Variants in MACROD2 observed in about 807,000 individuals in gnomAD.
The protein encoded by MACROD2 is mono-ADP ribosylhydrolase 2.
Under a neutral mutation model 70.4 loss-of-function variants are expected in MACROD2, and 36 were observed. That is an observed-to-expected ratio of 0.51 (90% CI 0.39 to 0.68). The LOEUF is 0.68. Ranked by LOEUF, MACROD2 falls within the 30% of genes least tolerant of loss-of-function variation. The probability of loss-of-function intolerance (pLI) is 0.00; values close to 1 mark genes in which losing one functional copy is unlikely to be tolerated. For missense variants in MACROD2, 496 were observed against 538.4 expected, an observed-to-expected ratio of 0.92 and a Z score of 0.78; for synonymous variants, 172 against 178.8, an observed-to-expected ratio of 0.96 and a Z score of 0.30.
chr20:14,009,596 C>T (rs1049284006), intron 2 of MACROD2, among the ~76,000 whole-genome samples: 5 of 152,108 alleles, frequency 3.3e-5, no homozygotes, highest in African/African-American at 4.8e-5. Flanking sequence ...CCGTTTGACC[C>T]AGCAATCCTA....
chr20:15,612,342 A>G (rs1324099066), intron 8 of MACROD2, among the ~76,000 whole-genome samples: 1 of 151,558 alleles, frequency 6.6e-6, no homozygotes, highest in Admixed American at 6.6e-5. Flanking sequence ...TATTGCGTCG[A>G]CTCTTCTGGG....
chr20:15,083,336 A>G (rs2075719509), intron 5 of MACROD2, among the ~76,000 whole-genome samples: 1 of 152,088 alleles, frequency 6.6e-6, no homozygotes, highest in Non-Finnish European at 1.5e-5. Flanking sequence ...CACACACCCT[A>G]TTTTCTTCTT....
chr20:15,029,841 G>A (rs2122992158), intron 5 of MACROD2, among the ~76,000 whole-genome samples: 1 of 152,226 alleles, frequency 6.6e-6, no homozygotes, highest in South Asian at 2.1e-4. Flanking sequence ...ATTACATAAA[G>A]AGATGAATGG....
chr20:14,840,890 G>A (rs2073079978), intron 5 of MACROD2, among the ~76,000 whole-genome samples: 1 of 152,022 alleles, frequency 6.6e-6, no homozygotes, highest in African/African-American at 2.4e-5. Flanking sequence ...CTAGTATGAG[G>A]ACACTGCACT....
intron 8 of MACROD2, among the ~76,000 whole-genome samples, chr20:15,644,093 T>A (rs2049503973): frequency 6.6e-6 from 1 of 152,140 alleles, no homozygotes; most frequent in African/African-American, 2.4e-5. Context: ...AGGAATGTGC[T>A]TACCCAAAAC....
chr20:14,302,885 C>T (rs1282365597), intron 3 of MACROD2, among the ~76,000 whole-genome samples: 1 of 152,138 alleles, frequency 6.6e-6, no homozygotes, highest in Non-Finnish European at 1.5e-5. Flanking sequence ...AACTCCTAAC[C>T]TCATGACCCA....
At chr20:15,779,529 G>A (rs1477168886) in intron 8 of MACROD2, among the ~76,000 whole-genome samples, 6 of 152,128 alleles carry the variant, frequency 3.9e-5, no homozygotes, top group African/African-American at 7.2e-5. Context: ...AGAGTTCTCT[G>A]CAGCCAGTAA....
chr20:14,886,427 A>G (rs1368249665), intron 5 of MACROD2, among the ~76,000 whole-genome samples: 3 of 152,164 alleles, frequency 2.0e-5, no homozygotes, highest in Non-Finnish European at 2.9e-5. Flanking sequence ...GGCTTTGGTC[A>G]TAAGTAAGGT....
rs146294459 is a variant in MACROD2, at chr20:15,479,862, C to T, written c.572-19912C>T. On this transcript the variant is annotated intron_variant, in intron 7 of 17. Transcript: ENST00000684519. ...TTTGAGTAAATTAATTGACACCCAC[C>T]GACTGTCAAAATGTATGTATTATGT... Among the ~76,000 whole-genome samples the T allele has an allele frequency of 7.9e-5, 12 of 152,140 alleles. 1 individual carries two copies. In the East Asian group the frequency reaches 1.5e-3, roughly 20 times the overall value.
intron 7 of MACROD2, among the ~76,000 whole-genome samples, chr20:15,461,246 T>A (rs2046815163): frequency 6.6e-6 from 1 of 152,002 alleles, no homozygotes; most frequent in Admixed American, 6.6e-5. Flanking sequence ...TTTATTTATT[T>A]TAAAAAAGTA....
intron 4 of MACROD2, among the ~76,000 whole-genome samples, chr20:14,627,895 C>T (rs1984277688): frequency 6.6e-6 from 1 of 152,020 alleles, no homozygotes; most frequent in Admixed American, 6.6e-5. Flanking sequence ...ACCTGATGGA[C>T]AAAAGGGAAA....
intron 7 of MACROD2, among the ~76,000 whole-genome samples, chr20:15,452,812 G>GT (rs2046661015): frequency 6.6e-6 from 1 of 152,110 alleles, no homozygotes; most frequent in Non-Finnish European, 1.5e-5. Flanking sequence ...GTTTCTCTAA[G>GT]TTTTTCCATT....
chr20:14,703,217 G>A (rs1444585796), intron 5 of MACROD2, among the ~76,000 whole-genome samples: 1 of 152,028 alleles, frequency 6.6e-6, no homozygotes, highest in East Asian at 1.9e-4. Context: ...GGTACATAAT[G>A]TCTCACATAC....
chr20:14,390,881 A>G lies in MACROD2; in HGVS notation c.272-102598A>G, dbSNP rs148084093. 5.8e-3 allele frequency among the ~76,000 whole-genome samples: 890 copies of G among 152,284 alleles called. 6 individuals carry two copies. The highest frequency in any genetic ancestry group is 0.019 in the African/African-American group (801 of 41,552). On this transcript the variant is annotated intron_variant, in intron 3 of 17. Coordinates refer to ENST00000684519, the MANE Select transcript of MACROD2 (RefSeq NM_001351661.2). The stretch of plus-strand genomic sequence containing the variant: ...ACAATCATATTTAAAAAAGCACAAC[A>G]CCACTGATCATTCAAGAAATATAAA...
chr20:15,174,361 T>C (rs2076444187), intron 5 of MACROD2, among the ~76,000 whole-genome samples: 1 of 152,232 alleles, frequency 6.6e-6, no homozygotes, highest in African/African-American at 2.4e-5. Context: ...TATATGAGCA[T>C]AAAAGATTTG....
chr20:15,292,174 C>A (rs913497641), intron 6 of MACROD2, among the ~76,000 whole-genome samples: 5 of 152,024 alleles, frequency 3.3e-5, no homozygotes, highest in Non-Finnish European at 5.9e-5. Flanking sequence ...CCATCCCTGG[C>A]CTTTTGTCAT....
intron 8 of MACROD2, among the ~76,000 whole-genome samples, chr20:15,550,362 G>T (rs577159291): frequency 1.3e-5 from 2 of 150,702 alleles, no homozygotes; most frequent in East Asian, 3.9e-4. Flanking sequence ...ATAAAAATGT[G>T]TCTTATTATT....
At chr20:14,912,900 C>T (rs1440258515) in intron 5 of MACROD2, among the ~76,000 whole-genome samples, 2 of 152,144 alleles carry the variant, frequency 1.3e-5, no homozygotes, top group Admixed American at 1.3e-4. Flanking sequence ...AAGATGCTTG[C>T]CCCAGATATA....
intron 5 of MACROD2, chr20:15,197,158 C>T: frequency 3.1e-6 from 1 of 317,680 alleles, no homozygotes; most frequent in Middle Eastern, 1.7e-3. Flanking sequence ...TTTAAGGTAC[C>T]TTTAATCTTT....
Sources: allele counts gnomAD v4.1 joint callset (sites outside exome capture counted in the v4.1 genomes callset), GRCh38; gene constraint gnomAD v4.1.1; transcripts MANE v1.5; gene names NCBI Gene and HGNC (gene_info 2026-07-23, HGNC 2026-07-21).